DLD: variants seen among roughly 807,000 people sequenced by gnomAD.
DLD encodes dihydrolipoyl dehydrogenase, mitochondrial.
In DLD, 36 loss-of-function variants were observed where a neutral mutation model predicts 62.2. The ratio of observed to expected loss-of-function variants is 0.58; its 90% confidence interval spans 0.44 to 0.76. DLD has a LOEUF of 0.76. Among genes scored for constraint, DLD ranks in the 30% least tolerant of loss-of-function variants. The pLI, the probability that DLD is intolerant of heterozygous loss-of-function variation, is 0.00. For synonymous variants in DLD, 204 were observed against 199.6 expected (o/e 1.02, Z -0.19); for missense variants, 541 against 608.6 (o/e 0.89, Z 1.17).
intron 3 of DLD, 21 bp from the exon 4 acceptor site, chr7:107,902,304 T>G (rs2031895437): frequency 6.2e-7 from 1 of 1,604,482 alleles, no homozygotes; most frequent in African/African-American, 1.3e-5. Flanking sequence ...TGCAGTTAAA[T>G]AATGTTTTCT....
intron 1 of DLD, among the ~76,000 whole-genome samples, chr7:107,892,012 G>A (rs992799389): frequency 9.9e-5 from 15 of 152,168 alleles, no homozygotes; most frequent in Admixed American, 5.2e-4. Context: ...TCAGAGATGA[G>A]GAACCTGAGT....
chr7:107,919,340 C>A lies in DLD; in HGVS notation c.*81C>A. ...CACATTCCTGAACAGGATATTCTCA[C>A]AGCTCCAAGAATTTCTAGGACTGAA... is the stretch of plus-strand genomic sequence containing the variant. On this transcript the variant is annotated 3_prime_UTR_variant, in exon 14 of 14. Transcript: ENST00000205402. 8.7e-7 allele frequency: 1 copy of A among 1,149,942 alleles called. No homozygotes were observed. The highest frequency in any genetic ancestry group is 1.3e-6 in the Non-Finnish European group (1 of 786,002). 71.2% of individuals were successfully genotyped at this position (1,149,942 alleles called of 1,614,324 possible). A position where few individuals can be genotyped will look rare whatever the true frequency, so the allele number is the denominator to read the frequency against.
Position 107,905,424 on chromosome 7 carries a change from G to C in DLD, c.502G>C (p.Asp168His). 1 of 1,613,810 alleles carries C rather than the reference G, an allele frequency of 6.2e-7. No homozygotes were observed. Among genetic ancestry groups the C allele is most frequent in the East Asian group, 2.2e-5 (1 of 44,846 alleles). ...AAATCAAGTCACTGCTACGAAAGCT[G>C]ATGGCGGCACTCAGGTTATTGATAC... ...GKNQVTATKA[D>H]GGTQVIDTKN... Residue 168 changes from aspartate to histidine, a missense_variant, in exon 7 of 14, where the codon GAT (aspartate) becomes CAT (histidine). By Grantham distance (81) the Asp-to-His change is moderately conservative (BLOSUM62 -1). Coordinates refer to ENST00000205402, the MANE Select transcript of DLD (RefSeq NM_000108.5).
intron 9 of DLD, among the ~76,000 whole-genome samples, chr7:107,916,033 A>G (rs1346396269): frequency 2.0e-5 from 3 of 152,148 alleles, no homozygotes; most frequent in Admixed American, 2.0e-4. Context: ...TATGTCTGGT[A>G]CTCTACTGAT....
intron 8 of DLD, among the ~76,000 whole-genome samples, chr7:107,911,539 A>C (rs1288085333): frequency 6.6e-6 from 1 of 152,090 alleles, no homozygotes; most frequent in Non-Finnish European, 1.5e-5. Flanking sequence ...TAATTATTTT[A>C]ACTTCTCAAG....
rs374029662 is a variant in DLD at position 107,901,927 on chromosome 7, A to C, written c.198+110A>C. 4 of 855,492 alleles carry C rather than the reference A, an allele frequency of 4.7e-6. No individual in the cohort carries two copies. The African/African-American group carries it at 6.7e-5, about 14-fold the overall frequency. 53.0% of individuals were successfully genotyped at this position (855,492 alleles called of 1,614,324 possible). ...ACATGGTAAATACTTCCTTAACTCT[A>C]TAAATTACTTGTAAGCCTGAGACTA... On this transcript the variant is annotated intron_variant, in intron 3 of 13. Transcript: ENST00000205402.
Position 107,919,283 on chromosome 7 carries a change from T to G in DLD, c.*24T>G. 1 of 1,572,988 alleles carries G rather than the reference T, an allele frequency of 6.4e-7. No individual in the cohort carries two copies. The highest frequency in any genetic ancestry group is 1.7e-5 in the Admixed American group (1 of 59,604). On this transcript the variant is annotated 3_prime_UTR_variant, in exon 14 of 14. Transcript: ENST00000205402. ...GAATTAGAAGATTATATATATTTTT[T>G]TCTGAAATTTCCTGGGAGCTTTTGT... is the stretch of plus-strand genomic sequence containing the variant.
At chr7:107,907,225 C>CT (rs1240325253) in intron 8 of DLD, among the ~76,000 whole-genome samples, 5 of 152,088 alleles carry the variant, frequency 3.3e-5, no homozygotes, top group Non-Finnish European at 5.9e-5. Context: ...AGCAGTCTGC[C>CT]TTTTTTATGC....
chr7:107,891,790 T>C (rs1047751177), intron 1 of DLD, among the ~76,000 whole-genome samples: 4 of 152,152 alleles, frequency 2.6e-5, no homozygotes, highest in African/African-American at 9.7e-5. Flanking sequence ...TCCCCTAAGG[T>C]CTTGTCAGTG....
chr7:107,909,997 C>T (rs1302483487), intron 8 of DLD, among the ~76,000 whole-genome samples: 2 of 151,904 alleles, frequency 1.3e-5, no homozygotes, highest in African/African-American at 2.4e-5. Context: ...GGATTACAGG[C>T]ACGCACCACC....
intron 2 of DLD, among the ~76,000 whole-genome samples, chr7:107,896,842 G>GT (rs1254805002): frequency 0.042 from 6,007 of 144,720 alleles, 384 homozygotes; most frequent in African/African-American, 0.14. Flanking sequence ...GTTTTTGTTT[G>GT]TTTTTTTTTT....
chr7:107,893,072 A>G (rs1005964056), intron 1 of DLD, 128 bp from the exon 2 acceptor site: 5 of 600,932 alleles, frequency 8.3e-6, no homozygotes, highest in South Asian at 2.3e-5. Context: ...CTGTGTGGCA[A>G]TGGAAGAAGA....
intron 8 of DLD, among the ~76,000 whole-genome samples, chr7:107,913,739 T>C (rs2032198779): frequency 6.6e-6 from 1 of 152,134 alleles, no homozygotes; most frequent in Admixed American, 6.5e-5. Flanking sequence ...TCCTCTACAA[T>C]TGCTGAGGCC....
At chr7:107,907,785 CCTT>C (rs759430432) in intron 8 of DLD, among the ~76,000 whole-genome samples, 1 of 152,216 alleles carries the variant, frequency 6.6e-6, no homozygotes, top group Non-Finnish European at 1.5e-5. Flanking sequence ...CATAAATGCT[CCTT>C]ATCTTGGTCC....
chr7:107,905,742 G>T, intron 7 of DLD: 1 of 516,886 alleles, frequency 1.9e-6, no homozygotes, highest in Non-Finnish European at 3.4e-6. Flanking sequence ...CATTGCGTTT[G>T]GAATATTGGT....
At chr7:107,908,682 C>A (rs1373934472) in intron 8 of DLD, among the ~76,000 whole-genome samples, 23 of 145,930 alleles carry the variant, frequency 1.6e-4, no homozygotes, top group African/African-American at 3.9e-4. Context: ...AAAAAAAAAA[C>A]CCCAAAACAA....
At chr7:107,898,525 C>T (rs1475925958) in intron 2 of DLD, among the ~76,000 whole-genome samples, 1 of 151,866 alleles carries the variant, frequency 6.6e-6, no homozygotes, top group Non-Finnish European at 1.5e-5. Context: ...AGGTGATCCA[C>T]CTGCCTCGGC....
At chr7:107,904,038 T>C (rs2031943720) in intron 5 of DLD, among the ~76,000 whole-genome samples, 1 of 152,204 alleles carries the variant, frequency 6.6e-6, no homozygotes, top group Non-Finnish European at 1.5e-5. Flanking sequence ...TTGAGCTGTT[T>C]TAATCTTTTG....
At chr7:107,899,211 C>A (rs545309303) in intron 2 of DLD, among the ~76,000 whole-genome samples, 51 of 151,686 alleles carry the variant, frequency 3.4e-4, no homozygotes, top group African/African-American at 1.2e-3. Context: ...CTGGCTTATA[C>A]CCTCCTGTAT....
Sources: allele counts gnomAD v4.1 joint callset (sites outside exome capture counted in the v4.1 genomes callset), GRCh38; gene constraint gnomAD v4.1.1; transcripts MANE v1.5; gene names NCBI Gene and HGNC (gene_info 2026-07-23, HGNC 2026-07-21).